The following LRIG3 variants were observed in gnomAD, a reference collection of about 807,000 sequenced individuals.
LRIG3 encodes the protein leucine-rich repeats and immunoglobulin-like domains protein 3.
A neutral mutation model predicts 114.5 loss-of-function variants in LRIG3; 76 were observed. That is an observed-to-expected ratio of 0.66 (90% CI 0.55 to 0.80). LRIG3 has a LOEUF of 0.80. Ranked by LOEUF, LRIG3 falls within the 30% of genes least tolerant of loss-of-function variation. LRIG3 has a pLI of 0.00. For missense variants in LRIG3, 1,239 were observed against 1,382.8 expected (o/e 0.90, Z 1.65); for synonymous variants, 512 against 519.8 (o/e 0.98, Z 0.20).
chr12:58,900,403 A>G (rs115511214), intron 3 of LRIG3, among the ~76,000 whole-genome samples: 41 of 149,424 alleles, frequency 2.7e-4, no homozygotes, highest in African/African-American at 9.9e-4. Flanking sequence ...CATGTTCTCT[A>G]TTTTCTCTTT....
chr12:58,919,668 G>T, intron 1 of LRIG3: 1 of 1,246,896 alleles, frequency 8.0e-7, no homozygotes, highest in Non-Finnish European at 1.1e-6. Context: ...CCCTGGGCCT[G>T]GCAGGAGCAA....
intron 5 of LRIG3, among the ~76,000 whole-genome samples, chr12:58,889,233 C>T (rs560108837): frequency 1.3e-5 from 2 of 152,114 alleles, no homozygotes; most frequent in Non-Finnish European, 1.5e-5. Flanking sequence ...AGTATAGACA[C>T]AAACAAATTA....
intron 15 of LRIG3, among the ~76,000 whole-genome samples, chr12:58,876,973 T>G (rs924423923): frequency 6.6e-6 from 1 of 152,234 alleles, no homozygotes; most frequent in Non-Finnish European, 1.5e-5. Context: ...AATCAATATC[T>G]GACTTTGCAC....
At chr12:58,885,665 G>T (rs1235217399) in intron 10 of LRIG3, among the ~76,000 whole-genome samples, 166 bp downstream of exon 10, 1 of 152,140 alleles carries the variant, frequency 6.6e-6, no homozygotes, top group Non-Finnish European at 1.5e-5. Flanking sequence ...AGGTAAGTAG[G>T]TAGACAGAGA....
chr12:58,881,918 T>C (rs993818994), intron 12 of LRIG3, among the ~76,000 whole-genome samples: 9 of 152,160 alleles, frequency 5.9e-5, no homozygotes, highest in African/African-American at 2.2e-4. Flanking sequence ...AATAGGGGGA[T>C]CAGATCTTGG....
intron 10 of LRIG3, 75 bp downstream of exon 10, chr12:58,885,756 T>A: frequency 9.7e-7 from 1 of 1,035,818 alleles, no homozygotes; most frequent in Non-Finnish European, 1.4e-6. Context: ...TCCAGTTTGT[T>A]TTATCTTTCA....
chr12:58,914,345 A>C lies in LRIG3; in HGVS notation c.237-9T>G. 6.2e-7 allele frequency: 1 copy of C among 1,603,076 alleles called. No homozygotes were observed. Among genetic ancestry groups the C allele is most frequent in the African/African-American group, 1.3e-5 (1 of 74,712 alleles). ...TGTTGTGACTTAAGTCCCTATAAGAAAACAAAAATAAAATTATAAGTCATT... is the reference window on the plus strand; with the variant it reads ...TGTTGTGACTTAAGTCCCTATAAGACAACAAAAATAAAATTATAAGTCATT... On this transcript the variant is annotated splice_polypyrimidine_tract_variant and intron_variant, in intron 1 of 18. Coordinates refer to ENST00000320743, the MANE Select transcript of LRIG3 (RefSeq NM_153377.5).
At chr12:58,898,780 T>C (rs1871736446) in intron 3 of LRIG3, among the ~76,000 whole-genome samples, 1 of 152,124 alleles carries the variant, frequency 6.6e-6, no homozygotes, top group African/African-American at 2.4e-5. Flanking sequence ...AGCCTCAGCC[T>C]CCCGAGTAGC....
At chr12:58,888,215 G>C in intron 7 of LRIG3, 114 bp downstream of exon 7, 1 of 1,292,050 alleles carries the variant, frequency 7.7e-7, no homozygotes, top group Non-Finnish European at 1.0e-6. Context: ...TGTGAAAAAA[G>C]CTGTCACCTT....
chr12:58,890,220 T>A lies in LRIG3; in HGVS notation c.516-81A>T. 2.8e-6 allele frequency: 4 copies of A among 1,444,980 alleles called. No individual in the cohort carries two copies. The South Asian group carries it at 5.4e-5, about 20-fold the overall frequency. 89.5% of individuals were successfully genotyped at this position (1,444,980 alleles called of 1,614,324 possible). ...CAGGCCATCTCTGTATTAGAAGGAGTCTCCAGAGAACTTAACCATCAATGG... is the reference window on the plus strand; with the variant it reads ...CAGGCCATCTCTGTATTAGAAGGAGACTCCAGAGAACTTAACCATCAATGG... On this transcript the variant is annotated intron_variant, in intron 4 of 18. Coordinates refer to ENST00000320743, the MANE Select transcript of LRIG3 (RefSeq NM_153377.5).
intron 1 of LRIG3, 23 bp downstream of exon 1, chr12:58,919,977 C>T (rs755252006): frequency 4.3e-5 from 65 of 1,521,228 alleles, no homozygotes; most frequent in Admixed American, 3.4e-4. Context: ...CGGGCCCCCT[C>T]CCCCCGCGGG....
At position 58,914,295 on chromosome 12, in the gene LRIG3, G is replaced by A. The variant is rs571495948; in HGVS notation, c.278C>T (p.Ser93Phe). 2 of 1,614,006 alleles carry A rather than the reference G, an allele frequency of 1.2e-6. No individual in the cohort carries two copies. Among genetic ancestry groups the A allele is most frequent in the East Asian group, 2.2e-5 (1 of 44,860 alleles). The change falls in exon 2 of 19, where the codon TCC (serine) becomes TTC (phenylalanine). Residue 93 changes from serine (S) to phenylalanine (F), a missense_variant. Coordinates refer to ENST00000320743, the MANE Select transcript of LRIG3 (RefSeq NM_153377.5). The part of the protein sequence containing the change: ...HNRLSFIKAS[S>F]MSHLQSLREV... ...TCGAAGGCTTTGAAGGTGGCTCATG[G>A]AACTTGCCTTGATGAAAGATAATCT... is the stretch of plus-strand genomic sequence containing the variant.
chr12:58,901,988 A>G (rs1487549456), intron 3 of LRIG3, among the ~76,000 whole-genome samples: 2 of 152,226 alleles, frequency 1.3e-5, no homozygotes, highest in African/African-American at 4.8e-5. Flanking sequence ...TAAACTATCA[A>G]CAAATGGGTT....
intron 3 of LRIG3, among the ~76,000 whole-genome samples, chr12:58,902,462 G>A (rs1465940889): frequency 6.6e-6 from 1 of 152,130 alleles, no homozygotes; most frequent in Non-Finnish European, 1.5e-5. Flanking sequence ...TCTAGAGACT[G>A]CTCTATCTGC....
rs1871402994 is a variant in LRIG3, at chr12:58,890,079, G to T, written c.576C>A (p.Asn192Lys). ...TGTTCAGCTTTAACACAAGGAGTGT[G>T]TTGGCCAAATTGTCAAAATACCCAG... ...MEPGYFDNLANTLLVLKLNRN... is the reference protein window; with the variant it reads ...MEPGYFDNLAKTLLVLKLNRN... Residue 192 changes from asparagine (N) to lysine (K), a missense_variant, in exon 5 of 19, where the codon AAC (asparagine) becomes AAA (lysine). Coordinates refer to ENST00000320743, the MANE Select transcript of LRIG3 (RefSeq NM_153377.5). 6.2e-7 allele frequency: 1 copy of T among 1,613,948 alleles called. No homozygotes were observed.
At chr12:58,875,216 T>C (rs1180892931) in intron 16 of LRIG3, among the ~76,000 whole-genome samples, 1 of 152,218 alleles carries the variant, frequency 6.6e-6, no homozygotes, top group East Asian at 1.9e-4. Flanking sequence ...CTAGGCAGCC[T>C]GGCATTATTA....
Position 58,920,014 on chromosome 12 carries a change from G to A in LRIG3, c.222C>T (p.Ser74=), listed in dbSNP as rs1307311251. ...AGAATACTTACAGCCGAGCGACCCA[G>A]GACGGGAGTGGCTCGGGAAGACGCG... ...RLARLPEPLP[S]WVARLDLSHN... is the part of the protein sequence containing the mutation. Residue 74 remains serine (S), a synonymous_variant, in exon 1 of 19, where the codon TCC becomes TCT. Coordinates refer to ENST00000320743, the MANE Select transcript of LRIG3 (RefSeq NM_153377.5). The A allele has an allele frequency of 2.6e-6, 4 of 1,553,806 alleles. No homozygotes were observed. Among genetic ancestry groups the A allele is most frequent in the Non-Finnish European group, 3.5e-6 (4 of 1,148,638 alleles).
intron 14 of LRIG3, among the ~76,000 whole-genome samples, chr12:58,878,509 T>C (rs1228433499): frequency 4.6e-5 from 7 of 152,142 alleles, no homozygotes; most frequent in African/African-American, 1.4e-4. Flanking sequence ...TTAAGACTAC[T>C]GATATAGACA....
chr12:58,896,797 G>A (rs968786344), intron 3 of LRIG3, among the ~76,000 whole-genome samples: 2 of 152,100 alleles, frequency 1.3e-5, no homozygotes, highest in Non-Finnish European at 2.9e-5. Context: ...AACAACCATC[G>A]AGCAAGCAGA....
Sources: allele counts gnomAD v4.1 joint callset (sites outside exome capture counted in the v4.1 genomes callset), GRCh38; gene constraint gnomAD v4.1.1; transcripts MANE v1.5; gene names NCBI Gene and HGNC (gene_info 2026-07-23, HGNC 2026-07-21).